The following TSHR variants were observed in gnomAD, a reference collection of about 807,000 sequenced individuals.
TSHR encodes the protein thyrotropin receptor.
TSHR carries 51 observed loss-of-function variants against 64.1 expected under a neutral mutation model. That is an observed-to-expected ratio of 0.80 (90% CI 0.64 to 1.01). TSHR has a LOEUF of 1.01. TSHR is among the 50% of genes least tolerant of loss of function. The pLI is 0.00. For synonymous variants in TSHR, 361 were observed against 361.9 expected, an observed-to-expected ratio of 1.00 and a Z score of 0.03; for missense variants, 877 against 942.8, an observed-to-expected ratio of 0.93 and a Z score of 0.91.
rs147239701 is a variant in TSHR, at chr14:81,037,412, G to T, written c.171-24736G>T. Among the ~76,000 whole-genome samples, 815 of 103,244 alleles carry T rather than the reference G, an allele frequency of 7.9e-3. 20 individuals are homozygous for T. The highest frequency in any genetic ancestry group is 0.027 in the African/African-American group (746 of 27,602). 67.7% of individuals were successfully genotyped at this position (103,244 alleles called of 152,430 possible). On this transcript the variant is annotated intron_variant, in intron 1 of 9. Transcript: ENST00000298171. ...TATAAGAGAGGGAAAAAGGAACAAAGGAAATACAAAACAAACAAACAAACA... is the reference window on the plus strand; with the variant it reads ...TATAAGAGAGGGAAAAAGGAACAAATGAAATACAAAACAAACAAACAAACA...
At chr14:80,960,936 C>T (rs1886990150) in intron 1 of TSHR, among the ~76,000 whole-genome samples, 1 of 152,342 alleles carries the variant, frequency 6.6e-6, no homozygotes, top group African/African-American at 2.4e-5. Flanking sequence ...CTATGTGCTG[C>T]CATCAATAAT....
At chr14:81,023,194 A>C (rs1883864101) in intron 1 of TSHR, among the ~76,000 whole-genome samples, 1 of 151,806 alleles carries the variant, frequency 6.6e-6, no homozygotes, top group African/African-American at 2.4e-5. Context: ...GGAAAGGAAA[A>C]CTCTTCCTGC....
intron 1 of TSHR, chr14:81,001,602 C>A: frequency 1.9e-6 from 1 of 524,922 alleles, no homozygotes. Context: ...ACTACCAACT[C>A]CCCCATTGTA....
At chr14:81,026,796 A>G (rs1884080252) in intron 1 of TSHR, among the ~76,000 whole-genome samples, 1 of 152,058 alleles carries the variant, frequency 6.6e-6, no homozygotes, top group Non-Finnish European at 1.5e-5. Flanking sequence ...AGCACTTTGG[A>G]AGGTAGAGGC....
chr14:81,122,801 G>C (rs1410319996), intron 8 of TSHR, among the ~76,000 whole-genome samples: 1 of 152,130 alleles, frequency 6.6e-6, no homozygotes, highest in Non-Finnish European at 1.5e-5. Context: ...AGTATAATTT[G>C]CTTTTTAAAA....
intron 8 of TSHR, among the ~76,000 whole-genome samples, chr14:81,129,883 C>G (rs141654096): frequency 9.8e-5 from 15 of 152,348 alleles, no homozygotes; most frequent in African/African-American, 3.1e-4. Context: ...CTCCCTTCTT[C>G]CCTAATCATC....
intron 1 of TSHR, among the ~76,000 whole-genome samples, chr14:80,979,295 A>G (rs1235679291): frequency 6.6e-6 from 1 of 152,244 alleles, no homozygotes; most frequent in Non-Finnish European, 1.5e-5. Context: ...AACATCATGC[A>G]TATGTGGAGT....
intron 1 of TSHR, among the ~76,000 whole-genome samples, chr14:81,005,560 C>T (rs934478168): frequency 2.0e-5 from 3 of 152,104 alleles, no homozygotes; most frequent in Non-Finnish European, 4.4e-5. Context: ...TATTGATCCA[C>T]AATCAATATT....
intron 1 of TSHR, among the ~76,000 whole-genome samples, chr14:80,975,128 T>C (rs1887799458): frequency 6.6e-6 from 1 of 152,232 alleles, no homozygotes; most frequent in Admixed American, 6.5e-5. Flanking sequence ...CAAATGTTCA[T>C]GGAGCTCTTC....
At chr14:81,000,704 G>A (rs1475333984) in intron 1 of TSHR, among the ~76,000 whole-genome samples, 2 of 152,160 alleles carry the variant, frequency 1.3e-5, no homozygotes, top group Non-Finnish European at 2.9e-5. Flanking sequence ...CAGGGGTCAT[G>A]ACAAAATCTT....
intron 1 of TSHR, chr14:80,982,599 A>C: frequency 1.1e-6 from 1 of 911,716 alleles, no homozygotes; most frequent in Non-Finnish European, 1.4e-6. Flanking sequence ...CTGTGGATGA[A>C]ATTAATGGAA....
intron 1 of TSHR, among the ~76,000 whole-genome samples, chr14:81,025,955 A>T (rs924701400): frequency 6.6e-6 from 1 of 152,206 alleles, no homozygotes; most frequent in African/African-American, 2.4e-5. Flanking sequence ...GAGGTCTTTG[A>T]AGTAAGTGAT....
chr14:80,999,548 A>G (rs190406322), intron 1 of TSHR, among the ~76,000 whole-genome samples: 1 of 152,292 alleles, frequency 6.6e-6, no homozygotes, highest in East Asian at 1.9e-4. Flanking sequence ...TTTGATCAAT[A>G]TTTCACCTGT....
intron 4 of TSHR, among the ~76,000 whole-genome samples, chr14:81,088,441 G>T (rs1034399906): frequency 6.6e-6 from 1 of 152,104 alleles, no homozygotes; most frequent in Admixed American, 6.5e-5. Flanking sequence ...GGAGTGGAGG[G>T]AAAACAGAAG....
Position 81,143,300 on chromosome 14 carries a change from C to T in TSHR, c.1242C>T (p.Tyr414=). The T allele has an allele frequency of 6.2e-7, 1 of 1,614,192 alleles. No individual in the cohort carries two copies. Among genetic ancestry groups the T allele is most frequent in the Non-Finnish European group, 8.5e-7 (1 of 1,180,048 alleles). The part of the protein sequence containing the change: ...EFNPCEDIMG[Y]KFLRIVVWFV... ...ACCCGTGTGAAGACATAATGGGCTACAAGTTCCTGAGAATTGTGGTGTGGT... is the reference window on the plus strand; with the variant it reads ...ACCCGTGTGAAGACATAATGGGCTATAAGTTCCTGAGAATTGTGGTGTGGT... Residue 414 remains tyrosine, a synonymous_variant, in exon 10 of 10, where the codon TAC becomes TAT. Transcript: ENST00000298171.
intron 1 of TSHR, among the ~76,000 whole-genome samples, chr14:81,016,210 A>C (rs1890176884): frequency 6.6e-6 from 1 of 152,174 alleles, no homozygotes; most frequent in African/African-American, 2.4e-5. Flanking sequence ...GCTGCTTTCC[A>C]CAGTGGCTGT....
intron 8 of TSHR, among the ~76,000 whole-genome samples, chr14:81,137,305 G>T (rs569695163): frequency 7.9e-5 from 12 of 152,266 alleles, no homozygotes; most frequent in African/African-American, 2.9e-4. Context: ...CTGCCTCAAT[G>T]CTGTCTCCAT....
chr14:80,984,763 T>C (rs1344042928), intron 1 of TSHR, among the ~76,000 whole-genome samples: 2 of 152,232 alleles, frequency 1.3e-5, no homozygotes, highest in Admixed American at 1.3e-4. Flanking sequence ...GATGAGTAGA[T>C]GGATTTTATC....
At chr14:81,142,606 CTTTTTT>C (rs10711545) in intron 9 of TSHR, among the ~76,000 whole-genome samples, 2 of 97,246 alleles carry the variant, frequency 2.1e-5, no homozygotes. Flanking sequence ...AACAAGCATT[CTTTTTT>C]TTTTTTTTTT....
Sources: gnomAD v4.1 joint callset for allele counts (sites outside exome capture counted in the v4.1 genomes callset) on GRCh38, gnomAD v4.1.1 for gene constraint, MANE v1.5 for transcripts, NCBI Gene and HGNC (gene_info 2026-07-23, HGNC 2026-07-21) for gene names.